Variants in NELL1 observed in about 807,000 individuals in gnomAD.
The protein encoded by NELL1 is protein kinase C-binding protein NELL1.
In NELL1, 76 loss-of-function variants were observed where a neutral mutation model predicts 107.4. The ratio of observed to expected loss-of-function variants is 0.71; its 90% confidence interval spans 0.59 to 0.86. The LOEUF is 0.86. Ranked by LOEUF, NELL1 falls within the 40% of genes least tolerant of loss-of-function variation. The pLI, the probability that NELL1 is intolerant of heterozygous loss-of-function variation, is 0.00. For synonymous variants in NELL1, 353 were observed against 341.2 expected, an observed-to-expected ratio of 1.03 and a Z score of -0.38; for missense variants, 1,024 against 1,005.5, an observed-to-expected ratio of 1.02 and a Z score of -0.25.
At chr11:21,519,549 T>TTG (rs1015270146) in intron 15 of NELL1, among the ~76,000 whole-genome samples, 4 of 151,504 alleles carry the variant, frequency 2.6e-5, no homozygotes, top group South Asian at 2.1e-4. Flanking sequence ...TTTTTTGTTT[T>TTG]TTTTTTTAGA....
intron 12 of NELL1, among the ~76,000 whole-genome samples, chr11:21,075,699 C>T (rs79093473): frequency 0.15 from 22,638 of 152,216 alleles, 1,995 homozygotes; most frequent in Middle Eastern, 0.28. Context: ...TCCTAAAGTG[C>T]TGGGATTACA....
chr11:20,799,102 A>G lies in NELL1; in HGVS notation c.335+15272A>G, dbSNP rs180843070. ...AAGATAGGACGTTTGTCCTCAATCTAAAAAAGAGGCAGCTATGAAAAAATC... is the reference window on the plus strand; with the variant it reads ...AAGATAGGACGTTTGTCCTCAATCTGAAAAAGAGGCAGCTATGAAAAAATC... On this transcript the variant is annotated intron_variant, in intron 3 of 19. Transcript: ENST00000357134. 1.3e-3 allele frequency among the ~76,000 whole-genome samples: 198 copies of G among 152,338 alleles called. 1 individual carries two copies. Among genetic ancestry groups the G allele is most frequent in the African/African-American group, 4.7e-3 (195 of 41,574 alleles).
intron 13 of NELL1, among the ~76,000 whole-genome samples, chr11:21,140,926 A>T (rs1855851797): frequency 2.0e-5 from 3 of 152,170 alleles, no homozygotes; most frequent in Non-Finnish European, 4.4e-5. Context: ...TTTCCAAATT[A>T]TGTGTCAGAA....
At chr11:21,460,812 AGAT>A (rs1352193102) in intron 15 of NELL1, among the ~76,000 whole-genome samples, 2 of 152,078 alleles carry the variant, frequency 1.3e-5, no homozygotes, top group Non-Finnish European at 2.9e-5. Flanking sequence ...CATGTCAGTG[AGAT>A]GTATATAAAA....
chr11:20,883,447 G>A (rs1430677052), intron 4 of NELL1, among the ~76,000 whole-genome samples: 1 of 152,140 alleles, frequency 6.6e-6, no homozygotes. Flanking sequence ...CTAGCCTATT[G>A]AATACATAAA....
At chr11:20,852,817 C>T (rs752564639) in intron 4 of NELL1, among the ~76,000 whole-genome samples, 1 of 152,268 alleles carries the variant, frequency 6.6e-6, no homozygotes, top group Middle Eastern at 3.4e-3. Flanking sequence ...AACAAAGCAG[C>T]TTCAGGTTGT....
At chr11:20,926,338 T>A (rs765445414) in intron 7 of NELL1, among the ~76,000 whole-genome samples, 6 of 152,102 alleles carry the variant, frequency 3.9e-5, no homozygotes, top group Non-Finnish European at 7.3e-5. Flanking sequence ...TGAGGAGCTG[T>A]TAAGGGAACC....
chr11:21,568,745 A>G (rs1857029699), intron 17 of NELL1, among the ~76,000 whole-genome samples: 1 of 151,682 alleles, frequency 6.6e-6, no homozygotes, highest in Non-Finnish European at 1.5e-5. Flanking sequence ...ATTTTCCTCC[A>G]TGTCTTGTCC....
rs76610135 is a variant in NELL1 at position 20,873,582 on chromosome 11, G to C, written c.507-11862G>C. ...TTTGTGCTTACACGGAAAATCCTGT[G>C]TGGTAGATGTTGTTATTAAAGGTTT... is the stretch of plus-strand genomic sequence containing the variant. On this transcript the variant is annotated intron_variant, in intron 4 of 19. Transcript: ENST00000357134. Among the ~76,000 whole-genome samples the C allele has an allele frequency of 5.8e-3, 881 of 152,300 alleles. 12 individuals carry two copies. The highest frequency in any genetic ancestry group is 0.02 in the African/African-American group (847 of 41,562).
chr11:21,034,405 T>C (rs930393431), intron 12 of NELL1, among the ~76,000 whole-genome samples: 2 of 152,128 alleles, frequency 1.3e-5, no homozygotes, highest in African/African-American at 4.8e-5. Flanking sequence ...CTGGATCAAA[T>C]CAACCACAGA....
intron 13 of NELL1, among the ~76,000 whole-genome samples, chr11:21,115,668 C>G (rs1036385222): frequency 6.6e-6 from 1 of 151,780 alleles, no homozygotes; most frequent in Non-Finnish European, 1.5e-5. Flanking sequence ...TCATGAGAAC[C>G]GCCCTCCCTC....
At chr11:21,099,208 C>T (rs1854734121) in intron 12 of NELL1, among the ~76,000 whole-genome samples, 1 of 138,588 alleles carries the variant, frequency 7.2e-6, no homozygotes, top group East Asian at 2.2e-4. Context: ...CACACACACA[C>T]ACACACACAC....
At chr11:21,490,208 T>C (rs1276634306) in intron 15 of NELL1, among the ~76,000 whole-genome samples, 5 of 151,722 alleles carry the variant, frequency 3.3e-5, no homozygotes, top group Admixed American at 2.0e-4. Context: ...CCAAAAAATA[T>C]ATACTCAGGA....
At chr11:20,684,829 G>A (rs184325767) in intron 2 of NELL1, among the ~76,000 whole-genome samples, 251 of 152,130 alleles carry the variant, frequency 1.6e-3, no homozygotes, top group Non-Finnish European at 2.7e-3. Flanking sequence ...CCATCACTGA[G>A]GCAAGATCCT....
chr11:21,498,963 T>G (rs1271934606), intron 15 of NELL1, among the ~76,000 whole-genome samples: 2 of 152,088 alleles, frequency 1.3e-5, no homozygotes, highest in Admixed American at 1.3e-4. Context: ...CTGCCCATAT[T>G]TATACTGTAT....
chr11:21,303,272 G>T (rs974479301), intron 14 of NELL1, among the ~76,000 whole-genome samples: 1 of 151,980 alleles, frequency 6.6e-6, no homozygotes, highest in African/African-American at 2.4e-5. Context: ...ATGCATGTTT[G>T]TAGATAAAAT....
At position 21,229,648 on chromosome 11, in the gene NELL1, A is replaced by G. The variant is rs553141051; in HGVS notation, c.1549+194A>G. On this transcript the variant is annotated intron_variant, in intron 14 of 19. Transcript: ENST00000357134. ...CAGGTTTAGCTTTGGAGTTGAAAGA[A>G]AAAGGTATAGGTATGGGTCAGGGAC... is the stretch of plus-strand genomic sequence containing the variant. 3.3e-5 allele frequency among the ~76,000 whole-genome samples: 5 copies of G among 152,338 alleles called. No homozygotes were observed. The East Asian group carries it at 9.7e-4, about 29-fold the overall frequency.
intron 14 of NELL1, among the ~76,000 whole-genome samples, chr11:21,316,459 C>T (rs569780495): frequency 5.9e-5 from 9 of 152,266 alleles, no homozygotes; most frequent in African/African-American, 2.2e-4. Flanking sequence ...TGGTATATTT[C>T]CTTCCAATCT....
Position 21,573,284 on chromosome 11 carries a change from C to A in NELL1, c.2257C>A (p.Pro753Thr), listed in dbSNP as rs758880030. Residue 753 changes from proline to threonine, a missense_variant, in exon 19 of 20, where the codon CCC becomes ACC. Transcript: ENST00000357134. ...ATGTTGTCCCCGCTGTGTCAGTGAC[C>A]CCTGCCTAGCTGATAACATCACCTA... ...GECCPRCVSDPCLADNITYDI... is the reference protein window; with the variant it reads ...GECCPRCVSDTCLADNITYDI... The A allele has an allele frequency of 6.2e-7, 1 of 1,612,426 alleles. No homozygotes were observed. The highest frequency in any genetic ancestry group is 8.5e-7 in the Non-Finnish European group (1 of 1,179,056).
Sources: gnomAD v4.1 joint callset for allele counts (sites outside exome capture counted in the v4.1 genomes callset) on GRCh38, gnomAD v4.1.1 for gene constraint, MANE v1.5 for transcripts, NCBI Gene and HGNC (gene_info 2026-07-23, HGNC 2026-07-21) for gene names.